Variants in TJP2 observed in about 807,000 individuals in gnomAD.
The protein encoded by TJP2 is tight junction protein 2, also known as Friedreich ataxia region gene X104 (tight junction protein ZO-2).
Under a neutral mutation model 133.1 loss-of-function variants are expected in TJP2, and 91 were observed. The ratio of observed to expected loss-of-function variants is 0.68; its 90% CI spans 0.58 to 0.81. The LOEUF (loss-of-function observed/expected upper bound fraction) is 0.81. Among genes scored for constraint, TJP2 ranks in the 40% least tolerant of loss-of-function variants. The probability of loss-of-function intolerance (pLI) is 0.00; values close to 1 mark genes in which losing one functional copy is unlikely to be tolerated. For synonymous variants in TJP2, 592 were observed against 583.4 expected (o/e 1.01, Z -0.21); for missense variants, 1,541 against 1,565.6 (o/e 0.98, Z 0.26).
intron 1 of TJP2, among the ~76,000 whole-genome samples, chr9:69,129,477 C>G (rs1298636402): frequency 6.6e-6 from 1 of 151,904 alleles, no homozygotes; most frequent in Non-Finnish European, 1.5e-5. Flanking sequence ...CACCACTGCA[C>G]TCCACCTGGG....
chr9:69,210,547 A>G (rs1268417829), intron 1 of TJP2, among the ~76,000 whole-genome samples: 1 of 152,048 alleles, frequency 6.6e-6, no homozygotes, highest in Non-Finnish European at 1.5e-5. Flanking sequence ...GTAATTGGGG[A>G]GTTTTACATA....
At chr9:69,175,608 C>A (rs1036479250) in intron 1 of TJP2, among the ~76,000 whole-genome samples, 7 of 152,168 alleles carry the variant, frequency 4.6e-5, no homozygotes, top group South Asian at 4.1e-4. Flanking sequence ...AACTCCACTT[C>A]AGTGTGGGGA....
In TJP2 at chr9:69,252,806, T is replaced by C. The variant is rs932622823; in HGVS notation, c.3322-9T>C. The C allele has an allele frequency of 6.8e-6, 11 of 1,613,884 alleles. No homozygotes were observed. The highest frequency in any genetic ancestry group is 7.6e-6 in the Non-Finnish European group (9 of 1,179,802). ...TCACTCTTATTCTTTTCTTTTTTAA[T>C]TACCACAGATCGAAATTGCCCAGAA... On this transcript the variant is annotated splice_polypyrimidine_tract_variant and intron_variant, in intron 21 of 22. Coordinates refer to ENST00000377245, the MANE Select transcript of TJP2 (RefSeq NM_004817.4).
chr9:69,237,067 G>T lies in TJP2; in HGVS notation c.2110G>T (p.Glu704Ter). 1 of 1,614,168 alleles carries T rather than the reference G, an allele frequency of 6.2e-7. No individual in the cohort carries two copies. The highest frequency in any genetic ancestry group is 2.2e-5 in the East Asian group (1 of 44,884). Residue 704 changes from glutamate to a stop codon, truncating the protein, a stop_gained, in exon 14 of 23, where the codon GAA becomes TAA. Transcript: ENST00000377245. LOFTEE classifies it high-confidence loss of function. The stretch of plus-strand genomic sequence containing the variant: ...GAAGAAGAACCTGAGGAAAAGTCGG[G>T]AAGACCTCACAGCTGTTGTGTCTGT... The part of the protein sequence containing the change: ...GVKKNLRKSR[E>*]DLTAVVSVST...
chr9:69,181,483 C>T (rs1040624659), intron 1 of TJP2, among the ~76,000 whole-genome samples: 7 of 152,166 alleles, frequency 4.6e-5, no homozygotes, highest in South Asian at 2.1e-4. Context: ...CTCCTGAGCT[C>T]GTGATCCGCC....
chr9:69,158,817 C>T (rs1454026763), intron 2 of TJP2, among the ~76,000 whole-genome samples: 1 of 152,100 alleles, frequency 6.6e-6, no homozygotes, highest in Admixed American at 6.5e-5. Context: ...GCTTCTAGTT[C>T]TGGCTGGAAT....
chr9:69,147,939 T>C (rs1381516283), intron 1 of TJP2, among the ~76,000 whole-genome samples: 1 of 151,236 alleles, frequency 6.6e-6, no homozygotes, highest in Non-Finnish European at 1.5e-5. Flanking sequence ...TTTTTTTTTT[T>C]TTGAGACAGT....
chr9:69,174,148 C>T (rs749673111), upstream of TJP2: 3 of 1,262,618 alleles, frequency 2.4e-6, no homozygotes, highest in Non-Finnish European at 3.0e-6. Flanking sequence ...GACAGTTTCC[C>T]GGGCCGGGCG....
intron 1 of TJP2, among the ~76,000 whole-genome samples, chr9:69,197,817 G>GGT (rs1480064074): frequency 2.6e-5 from 4 of 152,146 alleles, no homozygotes; most frequent in African/African-American, 9.7e-5. Flanking sequence ...CTTAGACCCA[G>GGT]GTGTGTGTGA....
At chr9:69,237,401 T>G (rs1830267564) in intron 14 of TJP2, among the ~76,000 whole-genome samples, 1 of 152,186 alleles carries the variant, frequency 6.6e-6, no homozygotes, top group African/African-American at 2.4e-5. Context: ...CACTGTACCT[T>G]ATGCCTATAA....
intron 1 of TJP2, chr9:69,151,596 C>T (rs1176129541): frequency 8.1e-7 from 1 of 1,229,374 alleles, no homozygotes; most frequent in Non-Finnish European, 1.0e-6. Flanking sequence ...TTCCCAAAAT[C>T]TTACCATTGC....
Position 69,205,296 on chromosome 9 carries a change from A to G in TJP2, c.61-7252A>G. The G allele has an allele frequency of 2.0e-6, 3 of 1,536,720 alleles. No homozygotes were observed. In the South Asian group the frequency reaches 3.6e-5, roughly 18 times the overall value. ...ACCTTTCTTCATGGGAAGGGGAGGG[A>G]AGCAAAACCATTCTCACAGTGAGTC... On this transcript the variant is annotated intron_variant, in intron 1 of 22. Transcript: ENST00000377245.
At chr9:69,121,688 A>G (rs1168143674) in exon 1 of TJP2, 2 of 152,624 alleles carry the variant, frequency 1.3e-5, no homozygotes, top group African/African-American at 4.9e-5. Flanking sequence ...CCAGCGCCCG[A>G]CACCGCCGGC....
chr9:69,246,176 G>T (rs1830910940), intron 17 of TJP2: 1 of 199,706 alleles, frequency 5.0e-6, no homozygotes, highest in African/African-American at 2.3e-5. Flanking sequence ...GTGTCATTTT[G>T]TATCAGATAC....
chr9:69,157,916 TGTAGA>T (rs1564388506), intron 2 of TJP2, among the ~76,000 whole-genome samples: 2 of 152,164 alleles, frequency 1.3e-5, no homozygotes, highest in African/African-American at 4.8e-5. Context: ...AAGCATAGCA[TGTAGA>T]TGAGTAATAC....
chr9:69,182,261 T>G (rs924512899), intron 1 of TJP2, among the ~76,000 whole-genome samples: 2 of 152,092 alleles, frequency 1.3e-5, no homozygotes, highest in Admixed American at 1.3e-4. Context: ...AGTGTCTGGG[T>G]GAGTTTTAAG....
chr9:69,209,720 C>T (rs1244062243), intron 1 of TJP2, among the ~76,000 whole-genome samples: 1 of 149,884 alleles, frequency 6.7e-6, no homozygotes, highest in Non-Finnish European at 1.5e-5. Flanking sequence ...TGCCATTGCA[C>T]TCCAGCCTGG....
At chr9:69,129,989 T>C (rs1587870636) in intron 1 of TJP2, among the ~76,000 whole-genome samples, 1 of 128,080 alleles carries the variant, frequency 7.8e-6, no homozygotes, top group South Asian at 2.4e-4. Context: ...CACTCCAGCC[T>C]GGGGGACAAG....
At chr9:69,151,615 A>C in intron 1 of TJP2, 1 of 1,231,928 alleles carries the variant, frequency 8.1e-7, no homozygotes, top group East Asian at 3.2e-5. Context: ...GCAGGGAATG[A>C]GCATGTTGGA....
Sources: allele counts gnomAD v4.1 joint callset (sites outside exome capture counted in the v4.1 genomes callset), GRCh38; gene constraint gnomAD v4.1.1; transcripts MANE v1.5; gene names NCBI Gene and HGNC (gene_info 2026-07-23, HGNC 2026-07-21).